Variants in TRMT11 observed in about 807,000 individuals in gnomAD.
The protein encoded by TRMT11 is tRNA (guanine(10)-N(2))-methyltransferase TRMT11.
In TRMT11, 53 loss-of-function variants were observed where a neutral mutation model predicts 62.8. The ratio of observed to expected loss-of-function variants is 0.84; its 90% CI spans 0.68 to 1.06. The LOEUF is 1.06. TRMT11 is among the 50% of genes least tolerant of loss of function. The pLI is 0.00. For synonymous variants in TRMT11, 188 were observed against 190.3 expected (o/e 0.99, Z 0.10); for missense variants, 556 against 553.4 (o/e 1.00, Z -0.05).
the TRMT11 span, among the ~76,000 whole-genome samples, chr6:126,250,218 T>G: frequency 9.7e-3 from 1,470 of 152,214 alleles, 32 homozygotes; most frequent in African/African-American, 0.033. Flanking sequence ...TTTCATTGGA[T>G]TTGGTAATTT....
At chr6:126,172,846 AC>A (rs1175212888), upstream of TRMT11, among the ~76,000 whole-genome samples, 1 of 152,210 alleles carries the variant, frequency 6.6e-6, no homozygotes, top group African/African-American at 2.4e-5. Context: ...AAAATGTAGA[AC>A]AAAGGAGGCA....
Position 126,151,905 on chromosome 6 carries a change from CT to C in TRMT11, c.*1824-22919del, listed in dbSNP as rs1778057876. Among the ~76,000 whole-genome samples the C allele has an allele frequency of 2.4e-3, 189 of 80,376 alleles. 5 individuals carry two copies. The highest frequency in any genetic ancestry group is 7.5e-3 in the Middle Eastern group (1 of 134). The allele number at this position is 80,376 out of a possible 152,430, so 52.7% of individuals were successfully genotyped here. A position where few individuals can be genotyped will look rare whatever the true frequency, so the allele number is the denominator to read the frequency against. On this transcript the variant is annotated intron_variant and NMD_transcript_variant, in intron 21 of 22. Transcript: ENST00000648977. ...CCTTCCTTGTCTTTTTCTTTCTTTTCTCTTTCTTTCTTTCTTTCTTTCTTTC... is the reference window on the plus strand; with the variant it reads ...CCTTCCTTGTCTTTTTCTTTCTTTTCCTTTCTTTCTTTCTTTCTTTCTTTC...
At chr6:126,119,293 A>G (rs1025053157) in intron 21 of TRMT11, among the ~76,000 whole-genome samples, 1 of 152,080 alleles carries the variant, frequency 6.6e-6, no homozygotes, top group Non-Finnish European at 1.5e-5. Context: ...GTGTGATTTG[A>G]GAAATCCTGA....
At chr6:125,995,918 A>C in intron 2 of TRMT11, 49 bp from the exon 3 acceptor site, 1 of 1,117,956 alleles carries the variant, frequency 8.9e-7, no homozygotes, top group Non-Finnish European at 1.4e-6. Flanking sequence ...AAAGCATATG[A>C]GGCCATGTAG....
intron 12 of TRMT11, among the ~76,000 whole-genome samples, chr6:126,030,469 A>T (rs79677758): frequency 6.6e-6 from 1 of 152,206 alleles, no homozygotes; most frequent in Non-Finnish European, 1.5e-5. Flanking sequence ...TTAAGAATGT[A>T]TATCATAGCT....
intron 9 of TRMT11, among the ~76,000 whole-genome samples, chr6:126,012,122 AAATGT>A (rs1794305331): frequency 1.3e-5 from 2 of 152,220 alleles, no homozygotes; most frequent in South Asian, 4.1e-4. Flanking sequence ...AGATTTTGTC[AAATGT>A]AATGTAACAA....
chr6:126,020,420 C>A (rs1375480556), intron 11 of TRMT11, among the ~76,000 whole-genome samples: 2 of 152,200 alleles, frequency 1.3e-5, no homozygotes, highest in Non-Finnish European at 2.9e-5. Flanking sequence ...ATGCTAACAA[C>A]CTGTCAGATG....
At chr6:126,201,365 G>A (rs1329099215) in intron 3 of TRMT11, among the ~76,000 whole-genome samples, 2 of 152,208 alleles carry the variant, frequency 1.3e-5, no homozygotes, top group South Asian at 2.1e-4. Context: ...TAGAACAAAG[G>A]TGTGAAAGTT....
intron 21 of TRMT11, among the ~76,000 whole-genome samples, chr6:126,164,957 TG>T (rs1434490253): frequency 6.6e-6 from 1 of 152,096 alleles, no homozygotes; most frequent in Non-Finnish European, 1.5e-5. Context: ...GTCTTTTAAC[TG>T]GGGCACTTAG....
At chr6:126,090,866 A>T (rs1251940002) in intron 17 of TRMT11, among the ~76,000 whole-genome samples, 1 of 152,172 alleles carries the variant, frequency 6.6e-6, no homozygotes, top group East Asian at 1.9e-4. Context: ...TCTTTGAAAC[A>T]GATGTCCTCT....
chr6:126,151,792 C>T (rs1217232377), intron 21 of TRMT11, among the ~76,000 whole-genome samples: 57 of 120,922 alleles, frequency 4.7e-4, no homozygotes, highest in African/African-American at 1.7e-3. Flanking sequence ...TTCCTTCCTT[C>T]CTTCCTCTCT....
At chr6:126,004,872 T>C (rs1035823227) in intron 7 of TRMT11, among the ~76,000 whole-genome samples, 2 of 152,096 alleles carry the variant, frequency 1.3e-5, no homozygotes, top group African/African-American at 4.8e-5. Context: ...ATACTTTTCC[T>C]TTTTTCCTTT....
chr6:126,247,786 T>G, the TRMT11 span, among the ~76,000 whole-genome samples: 5 of 151,712 alleles, frequency 3.3e-5, no homozygotes, highest in Non-Finnish European at 7.4e-5. Context: ...GCTAAGATCC[T>G]TCAAAAGGAG....
At chr6:126,228,183 T>C in the TRMT11 span, among the ~76,000 whole-genome samples, 2 of 152,142 alleles carry the variant, frequency 1.3e-5, no homozygotes, top group Non-Finnish European at 2.9e-5. Context: ...ACCAAAACAA[T>C]GTATGTGTCT....
chr6:126,168,256 C>T (rs1391394384), intron 21 of TRMT11, among the ~76,000 whole-genome samples: 1 of 152,170 alleles, frequency 6.6e-6, no homozygotes, highest in Non-Finnish European at 1.5e-5. Flanking sequence ...AGGGGGAGTT[C>T]TTTATGGTTT....
chr6:126,002,460 T>G (rs1459143267), intron 7 of TRMT11, among the ~76,000 whole-genome samples: 1 of 152,134 alleles, frequency 6.6e-6, no homozygotes, highest in African/African-American at 2.4e-5. Context: ...GGTTTCACAG[T>G]TGTTTTGCTT....
chr6:126,159,867 C>G (rs998400386), intron 21 of TRMT11, among the ~76,000 whole-genome samples: 1 of 152,172 alleles, frequency 6.6e-6, no homozygotes, highest in African/African-American at 2.4e-5. Flanking sequence ...CTTCTCCTCT[C>G]TCTCTTGTTT....
At chr6:126,146,256 T>C (rs1227130223) in intron 21 of TRMT11, among the ~76,000 whole-genome samples, 1 of 152,188 alleles carries the variant, frequency 6.6e-6, no homozygotes, top group Non-Finnish European at 1.5e-5. Context: ...AATCCAGTAT[T>C]TGGAAATTTC....
chr6:126,037,702 A>C (rs186716336), intron 12 of TRMT11, among the ~76,000 whole-genome samples: 63 of 151,988 alleles, frequency 4.1e-4, no homozygotes, highest in African/African-American at 1.4e-3. Flanking sequence ...CTAAACCTGG[A>C]TTTTTTTTAT....
Sources: gnomAD v4.1 joint callset for allele counts (sites outside exome capture counted in the v4.1 genomes callset) on GRCh38, gnomAD v4.1.1 for gene constraint, MANE v1.5 for transcripts, NCBI Gene and HGNC (gene_info 2026-07-23, HGNC 2026-07-21) for gene names.